Variants in SGMS1 observed in about 807,000 individuals in gnomAD.
SGMS1 encodes phosphatidylcholine:ceramide cholinephosphotransferase 1.
Under a neutral mutation model 46.2 loss-of-function variants are expected in SGMS1, and 13 were observed. The ratio of observed to expected loss-of-function variants is 0.28; its 90% CI spans 0.18 to 0.45. The LOEUF is 0.45. Ranked by LOEUF, SGMS1 falls within the 20% of genes least tolerant of loss-of-function variation. SGMS1 has a pLI of 1.00. For synonymous variants in SGMS1, 203 were observed against 187.8 expected (o/e 1.08, Z -0.66); for missense variants, 324 against 519.9 (o/e 0.62, Z 3.66).
chr10:50,501,065 A>T (rs1313235343), intron 3 of SGMS1, among the ~76,000 whole-genome samples: 1 of 152,228 alleles, frequency 6.6e-6, no homozygotes, highest in East Asian at 1.9e-4. Context: ...CTCAGTGATT[A>T]TGGGGGCCAG....
intron 1 of SGMS1, among the ~76,000 whole-genome samples, chr10:50,600,674 T>A (rs560929849): frequency 2.2e-4 from 34 of 152,356 alleles, no homozygotes; most frequent in African/African-American, 7.9e-4. Flanking sequence ...TCAGTCCTCC[T>A]GGCTGGGTGA....
intron 5 of SGMS1, among the ~76,000 whole-genome samples, chr10:50,434,977 C>T (rs772630671): frequency 3.3e-5 from 5 of 151,710 alleles, no homozygotes; most frequent in Non-Finnish European, 7.4e-5. Flanking sequence ...ACTTGTCAGC[C>T]TCAATAAAAA....
chr10:50,547,059 C>T (rs1838107705), intron 2 of SGMS1, among the ~76,000 whole-genome samples: 1 of 152,110 alleles, frequency 6.6e-6, no homozygotes, highest in Admixed American at 6.5e-5. Flanking sequence ...TTTACAGGAA[C>T]ATGCCCATGG....
At chr10:50,469,964 G>A (rs1564922687) in intron 3 of SGMS1, among the ~76,000 whole-genome samples, 1 of 152,160 alleles carries the variant, frequency 6.6e-6, no homozygotes, top group Admixed American at 6.5e-5. Flanking sequence ...CTTAGATTGT[G>A]GGGGGCAGTG....
intron 3 of SGMS1, among the ~76,000 whole-genome samples, chr10:50,511,378 G>C (rs939865429): frequency 1.3e-5 from 2 of 152,058 alleles, no homozygotes; most frequent in Admixed American, 1.3e-4. Context: ...TTGTAAGCAA[G>C]CCCCATCCTC....
rs1418499030 is a variant in SGMS1 at position 50,341,647 on chromosome 10, G to A, written c.623+1845C>T. Among the ~76,000 whole-genome samples the A allele has an allele frequency of 2.6e-5, 4 of 151,842 alleles. No homozygotes were observed. The East Asian group carries it at 7.7e-4, about 29-fold the overall frequency. On this transcript the variant is annotated intron_variant, in intron 7 of 10. Transcript: ENST00000361781. The stretch of plus-strand genomic sequence containing the variant: ...AAAAACGAGGCTCCTGAGATGTAAG[G>A]ATCCACCCAAACCACTCAGCAAGTT...
At chr10:50,369,873 C>T (rs1021255453) in intron 6 of SGMS1, among the ~76,000 whole-genome samples, 4 of 152,166 alleles carry the variant, frequency 2.6e-5, no homozygotes, top group African/African-American at 9.7e-5. Flanking sequence ...TCTGGACAAA[C>T]CTAGATGGTG....
chr10:50,430,745 CT>C (rs1304963417), intron 6 of SGMS1, among the ~76,000 whole-genome samples: 2 of 152,066 alleles, frequency 1.3e-5, no homozygotes, highest in African/African-American at 2.4e-5. Context: ...TTTTATATGT[CT>C]TTTATAATAC....
intron 2 of SGMS1, among the ~76,000 whole-genome samples, chr10:50,557,452 C>A (rs1335907724): frequency 6.6e-6 from 1 of 151,854 alleles, no homozygotes; most frequent in African/African-American, 2.4e-5. Flanking sequence ...AGATCTAGTA[C>A]TGCCCACTAA....
intron 2 of SGMS1, among the ~76,000 whole-genome samples, chr10:50,547,211 T>C (rs1202515768): frequency 6.6e-6 from 1 of 152,126 alleles, no homozygotes; most frequent in African/African-American, 2.4e-5. Context: ...AAAAAAGGAC[T>C]CCACTCCAGA....
Position 50,311,633 on chromosome 10 carries a change from T to C in SGMS1, c.742-218A>G, listed in dbSNP as rs558805092. On this transcript the variant is annotated intron_variant, in intron 8 of 10. Coordinates refer to ENST00000361781, the MANE Select transcript of SGMS1 (RefSeq NM_147156.4). Reference sequence around the variant, plus strand: ...ATGAATCACGTGGCTTCAGGACTTTTCACAGTTAGCACTTTTTAAAGCACG... The same window carrying C: ...ATGAATCACGTGGCTTCAGGACTTTCCACAGTTAGCACTTTTTAAAGCACG... Among the ~76,000 whole-genome samples, 4 of 152,336 alleles carry C rather than the reference T, an allele frequency of 2.6e-5. No homozygotes were observed. In the East Asian group the frequency reaches 7.7e-4, roughly 29 times the overall value.
intron 3 of SGMS1, among the ~76,000 whole-genome samples, chr10:50,486,782 C>T (rs1837524659): frequency 6.6e-6 from 1 of 152,112 alleles, no homozygotes; most frequent in South Asian, 2.1e-4. Context: ...CCAGAAATAC[C>T]ATTTGACCAA....
chr10:50,565,440 C>T lies in SGMS1; in HGVS notation c.-589+24713G>A, dbSNP rs148526522. Among the ~76,000 whole-genome samples the T allele has an allele frequency of 2.3e-4, 35 of 152,228 alleles. No individual in the cohort carries two copies. In the East Asian group the frequency reaches 5.4e-3, roughly 24 times the overall value. On this transcript the variant is annotated intron_variant, in intron 2 of 10. Transcript: ENST00000361781. ...CTTGGAACAGAAAGTAAGCAGCACC[C>T]TTTGGGGTGGAGATTGGGAAAGCAT...
At chr10:50,619,975 G>A (rs375235996) in intron 1 of SGMS1, among the ~76,000 whole-genome samples, 6 of 152,328 alleles carry the variant, frequency 3.9e-5, no homozygotes, top group African/African-American at 1.4e-4. Context: ...CTGTGTCTGT[G>A]GATCTGTGTG....
upstream of SGMS1, chr10:50,624,840 A>C (rs1838905234): frequency 1.0e-6 from 1 of 987,590 alleles, no homozygotes; most frequent in African/African-American, 1.7e-5. Flanking sequence ...GGTGGCCTAC[A>C]GGCAGCCCGA....
chr10:50,564,034 C>CGT (rs1488954242), intron 2 of SGMS1, among the ~76,000 whole-genome samples: 1 of 152,348 alleles, frequency 6.6e-6, no homozygotes, highest in South Asian at 2.1e-4. Context: ...AGCCTCCCCT[C>CGT]TAACCTGATG....
At chr10:50,417,753 T>C (rs1054133135) in intron 6 of SGMS1, among the ~76,000 whole-genome samples, 5 of 152,162 alleles carry the variant, frequency 3.3e-5, no homozygotes, top group Non-Finnish European at 5.9e-5. Flanking sequence ...TTAGGAAGAC[T>C]TGATAACCCC....
chr10:50,536,387 A>G (rs1884570), intron 2 of SGMS1, among the ~76,000 whole-genome samples: 46,509 of 152,066 alleles, frequency 0.31, 8,079 homozygotes, highest in East Asian at 0.64. Context: ...GAATAAACCT[A>G]TCAGAAATAT....
chr10:50,316,036 G>A (rs1179699514), intron 8 of SGMS1, among the ~76,000 whole-genome samples: 1 of 152,192 alleles, frequency 6.6e-6, no homozygotes, highest in Non-Finnish European at 1.5e-5. Flanking sequence ...AGGTTTCCCA[G>A]TATTTTTTCA....
Sources: gnomAD v4.1 joint callset for allele counts (sites outside exome capture counted in the v4.1 genomes callset) on GRCh38, gnomAD v4.1.1 for gene constraint, MANE v1.5 for transcripts, NCBI Gene and HGNC (gene_info 2026-07-23, HGNC 2026-07-21) for gene names.